Variants in SARAF observed in about 807,000 individuals in gnomAD.
The protein encoded by SARAF is store-operated calcium entry associated regulatory factor, also known as store-operated calcium entry-associated regulatory factor.
In SARAF, 23 loss-of-function variants were observed where a neutral mutation model predicts 39.7. That is an observed-to-expected ratio of 0.58 (90% confidence interval 0.42 to 0.82). The LOEUF (loss-of-function observed/expected upper bound fraction) is 0.82, where lower values mean the gene tolerates loss of function less well. SARAF is among the 40% of genes least tolerant of loss of function. The pLI, the probability that SARAF is intolerant of heterozygous loss-of-function variation, is 0.00. For synonymous variants in SARAF, 175 were observed against 168.5 expected, an observed-to-expected ratio of 1.04 and a Z score of -0.30; for missense variants, 384 against 418.5, an observed-to-expected ratio of 0.92 and a Z score of 0.72.
chr8:30,082,466 T>C (rs1389247626), intron 1 of SARAF: 1 of 175,090 alleles, frequency 5.7e-6, no homozygotes, highest in African/African-American at 2.4e-5. Flanking sequence ...CAGGCAGCCA[T>C]GACAACAGCA....
rs1160199864 is a variant in SARAF at position 30,070,023 on chromosome 8, AT to A, written c.318del (p.Lys106AsnfsTer7). The part of the protein sequence containing the change: ...ECKTDLDIAY[K>X]FGKTVVSCEG... ...TCACAGCTCACCACAGTTTTTCCAA[AT>A]TTGTATGCAATATCTAAGTCCGTCT... On this transcript the variant is annotated frameshift_variant, in exon 3 of 6. Transcript: ENST00000256255. LOFTEE classifies it high-confidence loss of function. The A allele has an allele frequency of 6.8e-6, 11 of 1,612,250 alleles. No individual in the cohort carries two copies. Among genetic ancestry groups the A allele is most frequent in the Non-Finnish European group, 9.3e-6 (11 of 1,179,610 alleles).
Position 30,082,874 on chromosome 8 carries a change from C to A in SARAF, c.76G>T (p.Gly26Cys). ...GGGTCGTTCCAGCCCAGGGCAGGGCCCGCGGTCAGCAGAAACAAATGCAAG... is the reference window on the plus strand; with the variant it reads ...GGGTCGTTCCAGCCCAGGGCAGGGCACGCGGTCAGCAGAAACAAATGCAAG... ...LGLHLFLLTAGPALGWNDPDR... is the reference protein window; with the variant it reads ...LGLHLFLLTACPALGWNDPDR... Residue 26 changes from glycine to cysteine, a missense_variant, in exon 1 of 6, where the codon GGC becomes TGC. Physicochemically the swap from Gly to Cys is radical, Grantham distance 159. Transcript: ENST00000256255. 1 of 1,556,828 alleles carries A rather than the reference C, an allele frequency of 6.4e-7. No individual in the cohort carries two copies. Among genetic ancestry groups the A allele is most frequent in the Non-Finnish European group, 8.7e-7 (1 of 1,152,844 alleles).
rs1319036441 is a variant in SARAF, at chr8:30,064,547, A to ATTTTTTTTTTTTTTTTTT, written c.995-635_995-634insAAAAAAAAAAAAAAAAAA. 5.4e-5 allele frequency among the ~76,000 whole-genome samples: 2 copies of ATTTTTTTTTTTTTTTTTT among 37,012 alleles called. 1 individual carries two copies. Among genetic ancestry groups the ATTTTTTTTTTTTTTTTTT allele is most frequent in the Non-Finnish European group, 9.9e-5 (2 of 20,278 alleles). The allele number at this position is 37,012 out of a possible 152,430, so 24.3% of individuals were successfully genotyped here. On this transcript the variant is annotated intron_variant, in intron 5 of 5. Coordinates refer to ENST00000256255, the MANE Select transcript of SARAF (RefSeq NM_016127.6). ...GTCTTACCTAGCCATATATATATAT[A>ATTTTTTTTTTTTTTTTTT]TATATATATATATATTTTTTTTTTT...
rs1802141946 is a variant in SARAF at position 30,082,906 on chromosome 8, A to G, written c.44T>C (p.Leu15Pro). 1 of 1,560,944 alleles carries G rather than the reference A, an allele frequency of 6.4e-7. No homozygotes were observed. The highest frequency in any genetic ancestry group is 8.7e-7 in the Non-Finnish European group (1 of 1,154,158). ...CGPGAAGYCLLLGLHLFLLTA... is the reference protein window; with the variant it reads ...CGPGAAGYCLPLGLHLFLLTA... ...CAGCAGAAACAAATGCAAGCCGAGG[A>G]GCAAGCAGTACCCGGCCGCTCCCGG... The change falls in exon 1 of 6, where the codon CTC becomes CCC. Residue 15 changes from leucine (L) to proline (P), a missense_variant. Transcript: ENST00000256255.
intron 3 of SARAF, among the ~76,000 whole-genome samples, chr8:30,068,263 T>C (rs945649872): frequency 1.3e-5 from 2 of 152,198 alleles, no homozygotes; most frequent in African/African-American, 4.8e-5. Flanking sequence ...CTCAGCCTCC[T>C]GTCAGATCAG....
chr8:30,070,143 C>A, intron 2 of SARAF, 84 bp from the exon 3 acceptor site: 3 of 1,247,630 alleles, frequency 2.4e-6, no homozygotes, highest in Non-Finnish European at 3.3e-6. Context: ...GGCGCAGTGG[C>A]TCACACCTGT....
intron 1 of SARAF, chr8:30,082,337 CAAAA>C (rs55898226): frequency 1.4e-5 from 2 of 140,204 alleles, no homozygotes; most frequent in South Asian, 2.2e-4. Flanking sequence ...GACTCCGACT[CAAAA>C]AAAAAAAAAA....
Position 30,082,904 on chromosome 8 carries a change from G to A in SARAF, c.46C>T (p.Leu16Phe). ...GTCAGCAGAAACAAATGCAAGCCGAGGAGCAAGCAGTACCCGGCCGCTCCC... is the reference window on the plus strand; with the variant it reads ...GTCAGCAGAAACAAATGCAAGCCGAAGAGCAAGCAGTACCCGGCCGCTCCC... ...GPGAAGYCLLLGLHLFLLTAG... is the reference protein window; with the variant it reads ...GPGAAGYCLLFGLHLFLLTAG... The change falls in exon 1 of 6, where the codon CTC becomes TTC. Residue 16 changes from leucine to phenylalanine, a missense_variant. Transcript: ENST00000256255. 1 of 1,561,852 alleles carries A rather than the reference G, an allele frequency of 6.4e-7. No homozygotes were observed.
chr8:30,069,796 G>A lies in SARAF; in HGVS notation c.546C>T (p.Leu182=). The change falls in exon 3 of 6, where the codon CTC becomes CTT. Residue 182 remains leucine (L), a synonymous_variant. Coordinates refer to ENST00000256255, the MANE Select transcript of SARAF (RefSeq NM_016127.6). ...TATAGACTACAAACGCGATCCCAAG[G>A]AGTACCACAATGGTAATCAATCCAC... is the stretch of plus-strand genomic sequence containing the variant. ...NMSGLITIVV[L]LGIAFVVYKL... The A allele has an allele frequency of 6.2e-7, 1 of 1,614,094 alleles. No individual in the cohort carries two copies. Among genetic ancestry groups the A allele is most frequent in the Non-Finnish European group, 8.5e-7 (1 of 1,180,012 alleles).
intron 2 of SARAF, among the ~76,000 whole-genome samples, chr8:30,070,509 A>C (rs183445583): frequency 1.3e-5 from 2 of 152,356 alleles, no homozygotes; most frequent in African/African-American, 4.8e-5. Context: ...TTCATGTCTA[A>C]GGGAAGGAAA....
chr8:30,073,562 G>T, intron 2 of SARAF: 1 of 219,494 alleles, frequency 4.6e-6, no homozygotes, highest in South Asian at 1.1e-4. Context: ...ATTCTTTGAG[G>T]AACGACAGGA....
At chr8:30,064,055 G>T in intron 5 of SARAF, 142 bp from the exon 6 acceptor site, 1 of 711,222 alleles carries the variant, frequency 1.4e-6, no homozygotes, top group Non-Finnish European at 2.3e-6. Context: ...GTGGAACTGG[G>T]CTAAGCAGGA....
intron 5 of SARAF, chr8:30,065,734 A>G (rs1055471424): frequency 2.3e-6 from 1 of 436,828 alleles, no homozygotes; most frequent in Admixed American, 3.5e-5. Flanking sequence ...AGAATTAAAT[A>G]TATGGGGAAG....
Position 30,067,695 on chromosome 8 carries a change from T to C in SARAF, c.701-777A>G, listed in dbSNP as rs944902740. 8.5e-5 allele frequency among the ~76,000 whole-genome samples: 13 copies of C among 152,354 alleles called. 1 individual carries two copies. In the South Asian group the frequency reaches 1.2e-3, roughly 15 times the overall value. ...ATGTCTATGGGAGTCAATCCTACCA[T>C]TGCATTATCAGTTTTTTTCTTAACT... On this transcript the variant is annotated intron_variant, in intron 3 of 5. Transcript: ENST00000256255.
Position 30,066,144 on chromosome 8 carries a change from A to G in SARAF, c.843-5T>C. On this transcript the variant is annotated splice_region_variant and splice_polypyrimidine_tract_variant and intron_variant, in intron 4 of 5. Coordinates refer to ENST00000256255, the MANE Select transcript of SARAF (RefSeq NM_016127.6). Reference sequence around the variant, plus strand: ...TCTGAGAAGGGTGTTGCCGCTCTTTAAAGGGATAAAAGTAGGTTAGGCATT... The same window carrying G: ...TCTGAGAAGGGTGTTGCCGCTCTTTGAAGGGATAAAAGTAGGTTAGGCATT... 1 of 1,576,586 alleles carries G rather than the reference A, an allele frequency of 6.3e-7. No homozygotes were observed. Among genetic ancestry groups the G allele is most frequent in the Non-Finnish European group, 8.7e-7 (1 of 1,152,560 alleles).
At chr8:30,071,441 A>G (rs1202572948) in intron 2 of SARAF, among the ~76,000 whole-genome samples, 1 of 152,252 alleles carries the variant, frequency 6.6e-6, no homozygotes, top group African/African-American at 2.4e-5. Flanking sequence ...TTCCTCTTTC[A>G]AAGTTCACAC....
At chr8:30,071,633 C>T (rs760505802) in intron 2 of SARAF, among the ~76,000 whole-genome samples, 16 of 152,166 alleles carry the variant, frequency 1.1e-4, no homozygotes, top group Non-Finnish European at 1.3e-4. Flanking sequence ...ATTCTCCCGC[C>T]GCACACCTCC....
rs138119204 is a variant in SARAF at position 30,081,965 on chromosome 8, T to C, written c.103+882A>G. On this transcript the variant is annotated intron_variant, in intron 1 of 5. Transcript: ENST00000256255. ...AAAAAAAACCGAGAAAATTATTTTT[T>C]AAATTCTTCTCTACGGTGAAAGCCA... Among the ~76,000 whole-genome samples the C allele has an allele frequency of 1.8e-4, 27 of 152,278 alleles. 1 individual carries two copies. In the East Asian group the frequency reaches 4.2e-3, roughly 24 times the overall value.
Position 30,082,857 on chromosome 8 carries a change from C to A in SARAF, c.93G>T (p.Trp31Cys). The change falls in exon 1 of 6, where the codon TGG becomes TGT. Residue 31 changes from tryptophan to cysteine, a missense_variant. Transcript: ENST00000256255. ...CCTGGCAGCACTCACCAGGGTCGTT[C>A]CAGCCCAGGGCAGGGCCCGCGGTCA... ...FLLTAGPALG[W>C]NDPDRMLLRD... The A allele has an allele frequency of 6.4e-7, 1 of 1,550,862 alleles. No individual in the cohort carries two copies. The highest frequency in any genetic ancestry group is 8.7e-7 in the Non-Finnish European group (1 of 1,149,832).
Sources: gnomAD v4.1 joint callset for allele counts (sites outside exome capture counted in the v4.1 genomes callset) on GRCh38, gnomAD v4.1.1 for gene constraint, MANE v1.5 for transcripts, NCBI Gene and HGNC (gene_info 2026-07-23, HGNC 2026-07-21) for gene names.